Variants in CTNNA3 observed in about 807,000 individuals in gnomAD.
CTNNA3 encodes catenin alpha 3, also known as catenin alpha-3.
A neutral mutation model predicts 95.7 loss-of-function variants in CTNNA3; 76 were observed. That is an observed-to-expected ratio of 0.79 (90% CI 0.66 to 0.96). The LOEUF (loss-of-function observed/expected upper bound fraction) is 0.96, where lower values mean the gene tolerates loss of function less well. Ranked by LOEUF, CTNNA3 falls within the 40% of genes least tolerant of loss-of-function variation. CTNNA3 has a pLI of 0.00. For synonymous variants in CTNNA3, 431 were observed against 374.4 expected (o/e 1.15, Z -1.74); for missense variants, 1,191 against 1,089.8 (o/e 1.09, Z -1.31).
At chr10:66,877,938 A>C (rs1483374022) in intron 7 of CTNNA3, among the ~76,000 whole-genome samples, 2 of 152,166 alleles carry the variant, frequency 1.3e-5, no homozygotes, top group Non-Finnish European at 2.9e-5. Flanking sequence ...AAACTGTTAA[A>C]GTCGCTAAGG....
intron 10 of CTNNA3, among the ~76,000 whole-genome samples, chr10:66,588,820 A>C (rs1389293776): frequency 6.6e-6 from 1 of 152,112 alleles, no homozygotes; most frequent in Non-Finnish European, 1.5e-5. Flanking sequence ...TGGACTTTTG[A>C]GGATGGACAA....
intron 11 of CTNNA3, among the ~76,000 whole-genome samples, chr10:66,404,138 A>G (rs1214257882): frequency 6.6e-6 from 1 of 151,992 alleles, no homozygotes; most frequent in African/African-American, 2.4e-5. Context: ...TCTTGAATTT[A>G]CTGGTCTTGT....
intron 11 of CTNNA3, among the ~76,000 whole-genome samples, chr10:66,467,552 A>G (rs1838968740): frequency 6.6e-6 from 1 of 152,038 alleles, no homozygotes; most frequent in Non-Finnish European, 1.5e-5. Context: ...TACAGTTCTC[A>G]TTAAGGAGAG....
At chr10:67,709,198 C>T (rs1021843498) in intron 1 of CTNNA3, among the ~76,000 whole-genome samples, 2 of 152,038 alleles carry the variant, frequency 1.3e-5, no homozygotes, top group Non-Finnish European at 2.9e-5. Flanking sequence ...TATAATAGTG[C>T]ACAACTCTTG....
intron 9 of CTNNA3, among the ~76,000 whole-genome samples, chr10:66,744,825 G>A (rs893605337): frequency 6.6e-6 from 1 of 152,140 alleles, no homozygotes; most frequent in South Asian, 2.1e-4. Context: ...TCCTGAATCT[G>A]AGGTATAATC....
chr10:65,948,043 C>A (rs59392831), intron 17 of CTNNA3, among the ~76,000 whole-genome samples: 18,302 of 152,120 alleles, frequency 0.12, 1,358 homozygotes, highest in Middle Eastern at 0.21. Flanking sequence ...TTTGGGAGGC[C>A]AAGGTGGGCG....
At chr10:66,668,144 T>A (rs907596048) in intron 9 of CTNNA3, among the ~76,000 whole-genome samples, 3 of 152,100 alleles carry the variant, frequency 2.0e-5, no homozygotes, top group African/African-American at 7.2e-5. Context: ...AAGGGTATAT[T>A]AAAAGAGTTT....
At chr10:66,817,244 A>G (rs560274411) in intron 7 of CTNNA3, among the ~76,000 whole-genome samples, 5 of 152,064 alleles carry the variant, frequency 3.3e-5, no homozygotes, top group Non-Finnish European at 4.4e-5. Context: ...AAACACATCC[A>G]AATTTTTTAA....
Position 65,996,855 on chromosome 10 carries a change from T to A in CTNNA3, c.2160-8058A>T, listed in dbSNP as rs527959683. 3.3e-5 allele frequency among the ~76,000 whole-genome samples: 5 copies of A among 152,364 alleles called. No individual in the cohort carries two copies. The South Asian group carries it at 1.0e-3, about 32-fold the overall frequency. ...TGTTTCATGACACTCCTCTGTTGAATTCCAGTGTTCTGTCTTAGATGCTGT... is the reference window on the plus strand; with the variant it reads ...TGTTTCATGACACTCCTCTGTTGAAATCCAGTGTTCTGTCTTAGATGCTGT... On this transcript the variant is annotated intron_variant, in intron 15 of 17. Transcript: ENST00000433211.
intron 14 of CTNNA3, among the ~76,000 whole-genome samples, chr10:66,089,956 T>C (rs2081151027): frequency 6.6e-6 from 1 of 152,000 alleles, no homozygotes; most frequent in Non-Finnish European, 1.5e-5. Flanking sequence ...TAACACCATT[T>C]TATATTATTT....
intron 13 of CTNNA3, among the ~76,000 whole-genome samples, chr10:66,145,298 G>A (rs2083825165): frequency 6.6e-6 from 1 of 152,070 alleles, no homozygotes. Flanking sequence ...AAAGACAAAG[G>A]GGAATGTACA....
At chr10:67,364,792 A>G (rs1843143586) in intron 5 of CTNNA3, among the ~76,000 whole-genome samples, 3 of 152,214 alleles carry the variant, frequency 2.0e-5, no homozygotes, top group African/African-American at 7.2e-5. Context: ...GAAAATGGCC[A>G]TACTGCCCAA....
At chr10:66,345,566 A>G (rs576033281) in intron 12 of CTNNA3, among the ~76,000 whole-genome samples, 32 of 152,204 alleles carry the variant, frequency 2.1e-4, no homozygotes, top group Admixed American at 5.2e-4. Flanking sequence ...AATGTAAACA[A>G]TTCTTTTCTG....
chr10:66,157,674 G>A (rs1194584152), intron 13 of CTNNA3, among the ~76,000 whole-genome samples: 1 of 151,622 alleles, frequency 6.6e-6, no homozygotes, highest in Non-Finnish European at 1.5e-5. Context: ...TTTTCCTCTG[G>A]GTAGATACCC....
intron 10 of CTNNA3, among the ~76,000 whole-genome samples, chr10:66,541,761 C>T (rs1841859971): frequency 6.6e-6 from 1 of 152,096 alleles, no homozygotes. Flanking sequence ...CATTCTTCCC[C>T]TTACTACTCA....
intron 7 of CTNNA3, among the ~76,000 whole-genome samples, chr10:66,825,009 G>T (rs948108255): frequency 2.7e-5 from 4 of 150,940 alleles, no homozygotes; most frequent in Non-Finnish European, 5.9e-5. Context: ...CTCTTTGTAA[G>T]ATTCCTGCAA....
chr10:66,890,263 C>T (rs941595646), intron 7 of CTNNA3, among the ~76,000 whole-genome samples: 2 of 151,894 alleles, frequency 1.3e-5, no homozygotes, highest in African/African-American at 4.8e-5. Flanking sequence ...GAATCATCAA[C>T]CTACAGGTGG....
chr10:65,987,145 A>G (rs2078445363), intron 16 of CTNNA3, among the ~76,000 whole-genome samples: 1 of 151,974 alleles, frequency 6.6e-6, no homozygotes, highest in Admixed American at 6.6e-5. Flanking sequence ...CAAAGATTTG[A>G]TGGCTAACAC....
chr10:66,323,425 C>A (rs1020315272), intron 12 of CTNNA3, among the ~76,000 whole-genome samples: 3 of 151,790 alleles, frequency 2.0e-5, no homozygotes, highest in Admixed American at 1.3e-4. Flanking sequence ...GCACGGATCA[C>A]CTGAGGTCAA....
Sources: allele counts gnomAD v4.1 joint callset (sites outside exome capture counted in the v4.1 genomes callset), GRCh38; gene constraint gnomAD v4.1.1; transcripts MANE v1.5; gene names NCBI Gene and HGNC (gene_info 2026-07-23, HGNC 2026-07-21).